Variants in FILIP1L observed in about 807,000 individuals in gnomAD.
FILIP1L encodes the protein filamin A interacting protein 1 like, also known as filamin A-interacting protein 1-like.
A neutral mutation model predicts 96.6 loss-of-function variants in FILIP1L; 55 were observed. That is an observed-to-expected ratio of 0.57 (90% confidence interval 0.46 to 0.71). The LOEUF is 0.71. Ranked by LOEUF, FILIP1L falls within the 30% of genes least tolerant of loss-of-function variation. The probability of loss-of-function intolerance (pLI) is 0.00; values close to 1 mark genes in which losing one functional copy is unlikely to be tolerated. For synonymous variants in FILIP1L, 467 were observed against 473.9 expected (o/e 0.99, Z 0.19); for missense variants, 1,304 against 1,321.2 (o/e 0.99, Z 0.20).
intron 1 of FILIP1L, among the ~76,000 whole-genome samples, chr3:99,957,896 A>G (rs924224630): frequency 3.3e-5 from 5 of 149,876 alleles, no homozygotes; most frequent in Middle Eastern, 6.9e-3. Context: ...TTTTAGATTC[A>G]ACAAAACCTG....
rs149231154 is a variant in FILIP1L, at chr3:100,091,813, G to T, written c.-11+22240C>A. ...CTTAAGACAGGATTATTTGCTCAGC[G>T]TCTCCTCTCGTGATTCACAGGTACA... On this transcript the variant is annotated intron_variant, in intron 1 of 5. Coordinates refer to ENST00000477258, the MANE Select transcript of FILIP1L (RefSeq NM_001387850.1). 1.7e-3 allele frequency among the ~76,000 whole-genome samples: 257 copies of T among 152,214 alleles called. 2 individuals carry two copies. Among genetic ancestry groups the T allele is most frequent in the African/African-American group, 5.7e-3 (235 of 41,526 alleles).
chr3:99,884,230 A>G (rs998967998), intron 4 of FILIP1L, among the ~76,000 whole-genome samples: 22 of 152,100 alleles, frequency 1.4e-4, no homozygotes, highest in African/African-American at 5.3e-4. Flanking sequence ...GCTTCATATA[A>G]TATCCTCTCT....
intron 1 of FILIP1L, among the ~76,000 whole-genome samples, chr3:100,005,011 CA>C (rs1201247793): frequency 6.6e-6 from 1 of 152,160 alleles, no homozygotes; most frequent in Non-Finnish European, 1.5e-5. Flanking sequence ...GCTGGCTCTA[CA>C]AGGCTGTCAT....
intron 1 of FILIP1L, among the ~76,000 whole-genome samples, chr3:99,942,351 T>C (rs1351911328): frequency 6.6e-6 from 1 of 152,186 alleles, no homozygotes; most frequent in East Asian, 1.9e-4. Flanking sequence ...TTTTAAATAC[T>C]CCAGAAAAAA....
chr3:99,902,491 A>T (rs1300089639), intron 4 of FILIP1L, among the ~76,000 whole-genome samples: 3 of 152,210 alleles, frequency 2.0e-5, no homozygotes, highest in Non-Finnish European at 4.4e-5. Flanking sequence ...ATAGGAAGTT[A>T]TCTTGATATA....
intron 1 of FILIP1L, among the ~76,000 whole-genome samples, chr3:99,958,093 A>G (rs1044811542): frequency 6.7e-6 from 1 of 150,060 alleles, no homozygotes; most frequent in Non-Finnish European, 1.5e-5. Context: ...ATTTAATTTT[A>G]ATTTCCAGGA....
At chr3:100,037,183 G>C (rs565178532) in intron 1 of FILIP1L, among the ~76,000 whole-genome samples, 61 of 151,132 alleles carry the variant, frequency 4.0e-4, no homozygotes, top group Non-Finnish European at 7.2e-4. Context: ...TCCTGATTTT[G>C]ATCATTGTGG....
At chr3:99,905,569 A>G (rs1366960025) in intron 4 of FILIP1L, among the ~76,000 whole-genome samples, 1 of 152,232 alleles carries the variant, frequency 6.6e-6, no homozygotes, top group African/African-American at 2.4e-5. Context: ...TTTTTACTAA[A>G]TGTGCACAAA....
In FILIP1L at chr3:100,062,093, C is replaced by CTTTTTTTTT. The variant is rs71907944; in HGVS notation, c.-11+51951_-11+51959dup. 3.8e-3 allele frequency among the ~76,000 whole-genome samples: 202 copies of CTTTTTTTTT among 53,182 alleles called. 44 individuals are homozygous for CTTTTTTTTT. Among genetic ancestry groups the CTTTTTTTTT allele is most frequent in the African/African-American group, 5.6e-3 (63 of 11,244 alleles). The allele number at this position is 53,182 out of a possible 152,430, so 34.9% of individuals were successfully genotyped here. ...CCACTTGTGGTTATCCTGTCTTCTTCTTTTTTTTTTTTTTTTTTTTTTTTT... is the reference window on the plus strand; with the variant it reads ...CCACTTGTGGTTATCCTGTCTTCTTCTTTTTTTTTTTTTTTTTTTTTTTTTTTTTTTTTT... On this transcript the variant is annotated intron_variant, in intron 1 of 5. Coordinates refer to ENST00000477258, the MANE Select transcript of FILIP1L (RefSeq NM_001387850.1).
Position 100,091,296 on chromosome 3 carries a change from A to G in FILIP1L, c.-11+22757T>C, listed in dbSNP as rs111416358. 1.6e-3 allele frequency among the ~76,000 whole-genome samples: 240 copies of G among 148,338 alleles called. 2 individuals are homozygous for G. Among genetic ancestry groups the G allele is most frequent in the African/African-American group, 5.3e-3 (214 of 40,570 alleles). On this transcript the variant is annotated intron_variant, in intron 1 of 5. Coordinates refer to ENST00000477258, the MANE Select transcript of FILIP1L (RefSeq NM_001387850.1). ...CGAGACTCCGTCTCAAAAAAAAAAA[A>G]AAAAAAGAAAAAAGAAACCCTGCCT...
At chr3:99,968,302 T>C (rs949402013) in intron 1 of FILIP1L, among the ~76,000 whole-genome samples, 1 of 152,158 alleles carries the variant, frequency 6.6e-6, no homozygotes, top group African/African-American at 2.4e-5. Flanking sequence ...TTTGGTCTTA[T>C]TGTAGCCTAA....
chr3:100,008,710 T>C (rs1157148981), intron 1 of FILIP1L, among the ~76,000 whole-genome samples: 2 of 152,250 alleles, frequency 1.3e-5, no homozygotes, highest in Non-Finnish European at 2.9e-5. Flanking sequence ...AATGTTTGCA[T>C]ATGTTTGCTA....
intron 1 of FILIP1L, among the ~76,000 whole-genome samples, chr3:99,957,374 C>G (rs1708349592): frequency 6.6e-6 from 1 of 152,068 alleles, no homozygotes; most frequent in Non-Finnish European, 1.5e-5. Context: ...GACTTGAAGC[C>G]AGAATGTTGT....
At chr3:99,883,024 A>T (rs1315862805) in intron 4 of FILIP1L, among the ~76,000 whole-genome samples, 1 of 138,906 alleles carries the variant, frequency 7.2e-6, no homozygotes, top group Non-Finnish European at 1.7e-5. Flanking sequence ...GGTTCTGTAC[A>T]TGAGAAATTC....
chr3:99,987,711 C>T (rs1482156494), intron 1 of FILIP1L, among the ~76,000 whole-genome samples: 1 of 152,126 alleles, frequency 6.6e-6, no homozygotes, highest in East Asian at 1.9e-4. Flanking sequence ...AGTCCCAAGA[C>T]CTCAGTTATT....
chr3:100,063,383 T>G (rs2291495), intron 1 of FILIP1L, among the ~76,000 whole-genome samples: 28,111 of 152,146 alleles, frequency 0.18, 2,930 homozygotes, highest in South Asian at 0.25. Flanking sequence ...ACTATATATC[T>G]GAATTATTGT....
chr3:99,899,699 T>C (rs769559873), intron 4 of FILIP1L, among the ~76,000 whole-genome samples: 1 of 152,200 alleles, frequency 6.6e-6, no homozygotes, highest in Non-Finnish European at 1.5e-5. Context: ...TCCTTGATTG[T>C]GATTCCATTA....
intron 1 of FILIP1L, among the ~76,000 whole-genome samples, chr3:99,988,221 G>A (rs1289422797): frequency 6.6e-6 from 1 of 151,554 alleles, no homozygotes; most frequent in African/African-American, 2.4e-5. Flanking sequence ...AATTTGGCCG[G>A]GCGCAGTGCC....
chr3:100,085,201 A>G (rs751340462), intron 1 of FILIP1L, among the ~76,000 whole-genome samples: 4 of 152,236 alleles, frequency 2.6e-5, no homozygotes, highest in African/African-American at 4.8e-5. Flanking sequence ...AGGTGATTAT[A>G]CCGTACAACC....
Sources: gnomAD v4.1 joint callset for allele counts (sites outside exome capture counted in the v4.1 genomes callset) on GRCh38, gnomAD v4.1.1 for gene constraint, MANE v1.5 for transcripts, NCBI Gene and HGNC (gene_info 2026-07-23, HGNC 2026-07-21) for gene names.